Variants in CSNK2A1 observed in about 807,000 individuals in gnomAD.
CSNK2A1 encodes casein kinase 2 alpha 1.
A neutral mutation model predicts 62.9 loss-of-function variants in CSNK2A1; 10 were observed. The ratio of observed to expected loss-of-function variants is 0.16; its 90% CI spans 0.10 to 0.27. The LOEUF (loss-of-function observed/expected upper bound fraction) is 0.27, where lower values mean the gene tolerates loss of function less well. CSNK2A1 is among the 10% of genes least tolerant of loss of function. The pLI is 1.00. For missense variants in CSNK2A1, 160 were observed against 492.0 expected (o/e 0.33, Z 6.38); for synonymous variants, 124 against 167.8 (o/e 0.74, Z 2.02).
At chr20:487,607 G>A (rs760725893) in intron 11 of CSNK2A1, 32 bp from the exon 12 acceptor site, 1 of 1,613,380 alleles carries the variant, frequency 6.2e-7, no homozygotes, top group Non-Finnish European at 8.5e-7. Context: ...TGAGAAATGG[G>A]CCACGTGGGC....
In CSNK2A1 at chr20:532,330, ATT is replaced by A. The variant is rs138287291; in HGVS notation, c.-226-4283_-226-4282del. Among the ~76,000 whole-genome samples, 937 of 121,946 alleles carry A rather than the reference ATT, an allele frequency of 7.7e-3. 7 individuals carry two copies. Among genetic ancestry groups the A allele is most frequent in the African/African-American group, 0.021 (624 of 29,954 alleles). 80.0% of individuals were successfully genotyped at this position (121,946 alleles called of 152,430 possible). Reference sequence around the variant, plus strand: ...AGGCAAGCGCCACCATGCCCGGCTAATTTTTTTTTTTTTTTTTTTTTGTATTT... The same window carrying A: ...AGGCAAGCGCCACCATGCCCGGCTAATTTTTTTTTTTTTTTTTTTGTATTT... On this transcript the variant is annotated intron_variant, in intron 1 of 13. Transcript: ENST00000217244.
At chr20:524,110 C>A (rs954068895) in intron 2 of CSNK2A1, among the ~76,000 whole-genome samples, 1 of 151,678 alleles carries the variant, frequency 6.6e-6, no homozygotes, top group African/African-American at 2.4e-5. Flanking sequence ...GAAAAAAATT[C>A]TATCACATGC....
chr20:479,936 A>G lies in CSNK2A1; in HGVS notation c.*4025T>C, dbSNP rs1218844722. On this transcript the variant is annotated 3_prime_UTR_variant, in exon 14 of 14. Coordinates refer to ENST00000217244, the MANE Select transcript of CSNK2A1 (RefSeq NM_177559.3). ...TATGTATTCCGCAAATATTCCAAAA[A>G]TCCAAAAAAATTCAAAACACTTCTG... is the stretch of plus-strand genomic sequence containing the variant. 3 of 152,214 alleles carry G rather than the reference A, an allele frequency of 2.0e-5. No individual in the cohort carries two copies. The highest frequency in any genetic ancestry group is 7.2e-5 in the African/African-American group (3 of 41,432). 9.4% of individuals were successfully genotyped at this position (152,214 alleles called of 1,614,324 possible). A position where few individuals can be genotyped will look rare whatever the true frequency, so the allele number is the denominator to read the frequency against.
At chr20:542,042 C>T (rs1433702155) in intron 1 of CSNK2A1, among the ~76,000 whole-genome samples, 3 of 152,172 alleles carry the variant, frequency 2.0e-5, no homozygotes, top group Non-Finnish European at 4.4e-5. Context: ...CCTACAACAA[C>T]TACAAAGATA....
At position 483,688 on chromosome 20, in the gene CSNK2A1, G is replaced by A. The variant is rs1324396168; in HGVS notation, c.*273C>T. ...ATGAGGAACTAAATTTGGGAGGGGAGAAAAAAAAATTTGTCCATGAAATAT... is the reference window on the plus strand; with the variant it reads ...ATGAGGAACTAAATTTGGGAGGGGAAAAAAAAAAATTTGTCCATGAAATAT... On this transcript the variant is annotated 3_prime_UTR_variant, in exon 14 of 14. Coordinates refer to ENST00000217244, the MANE Select transcript of CSNK2A1 (RefSeq NM_177559.3). 4.0e-5 allele frequency: 9 copies of A among 224,192 alleles called. No homozygotes were observed. The highest frequency in any genetic ancestry group is 1.2e-4 in the Admixed American group (2 of 17,204). The allele number at this position is 224,192 out of a possible 1,614,324, so 13.9% of individuals were successfully genotyped here.
intron 4 of CSNK2A1, chr20:500,549 A>G (rs56272098): frequency 0.074 from 11,379 of 152,854 alleles, 464 homozygotes; most frequent in South Asian, 0.13. Flanking sequence ...AGATTGTTGC[A>G]AGAATCAAAT....
chr20:476,887 C>T lies in CSNK2A1; in HGVS notation c.*7074G>A, dbSNP rs2017859247. The T allele has an allele frequency of 6.6e-6, 1 of 152,078 alleles. No homozygotes were observed. The highest frequency in any genetic ancestry group is 6.6e-5 in the Admixed American group (1 of 15,264). The allele number at this position is 152,078 out of a possible 1,614,324, so 9.4% of individuals were successfully genotyped here. ...CACCCAGCCTGTTAAATCTTTTTTT[C>T]AATTAATAACAACTTCTTTTACAGA... On this transcript the variant is annotated 3_prime_UTR_variant, in exon 14 of 14. Transcript: ENST00000217244.
At chr20:503,917 C>T (rs999489003) in intron 4 of CSNK2A1, among the ~76,000 whole-genome samples, 7 of 152,252 alleles carry the variant, frequency 4.6e-5, no homozygotes, top group African/African-American at 1.7e-4. Flanking sequence ...GTGGCTCACG[C>T]CTGTAATCCC....
At position 497,749 on chromosome 20, in the gene CSNK2A1, A is replaced by G. The variant is rs61730061; in HGVS notation, c.398T>C (p.Ile133Thr). The change falls in exon 7 of 14, where the codon ATT becomes ACT. Residue 133 changes from isoleucine (I) to threonine (T), a missense_variant. By Grantham distance (89) the Ile-to-Thr change is moderately conservative. Around this residue, in one of 3 missense-constraint regions of CSNK2A1, gnomAD observed 94 missense variants for 357.6 expected, o/e 0.26. Coordinates refer to ENST00000217244, the MANE Select transcript of CSNK2A1 (RefSeq NM_177559.3). ...QLYQTLTDYD[I>T]RFYMYEILKA... ...CAGAATCTCATACATGTAAAATCGA[A>G]TATCATAGTCTGTTAACGTCTGGTA... 3 of 1,612,510 alleles carry G rather than the reference A, an allele frequency of 1.9e-6. No individual in the cohort carries two copies. The highest frequency in any genetic ancestry group is 2.5e-6 in the Non-Finnish European group (3 of 1,178,924).
rs964453479 is a variant in CSNK2A1 at position 543,685 on chromosome 20, G to C, written c.-240C>G. ...CTCCCTAGGTACCTGTGGTGGAAGC[G>C]GCAGCGGCGGCGGCCGCTCTCCCCT... On this transcript the variant is annotated 5_prime_UTR_variant, in exon 1 of 14. Transcript: ENST00000217244. 1.7e-4 allele frequency: 69 copies of C among 398,258 alleles called. No homozygotes were observed. In the East Asian group the frequency reaches 2.1e-3, roughly 12 times the overall value. The allele number at this position is 398,258 out of a possible 1,614,324, so 24.7% of individuals were successfully genotyped here.
In CSNK2A1 at chr20:499,605, G is replaced by C. The variant is rs1433941426; in HGVS notation, c.315+228C>G. ...TTGCAAAATGGATTAACACATTTCA[G>C]TTTCCAGTGCTATCAGTCTCTTAGC... On this transcript the variant is annotated intron_variant, in intron 5 of 13. Coordinates refer to ENST00000217244, the MANE Select transcript of CSNK2A1 (RefSeq NM_177559.3). The surrounding 1 kb of genome is among the most constrained non-coding windows in gnomAD (Gnocchi z 4.2). 1 of 564,450 alleles carries C rather than the reference G, an allele frequency of 1.8e-6. No individual in the cohort carries two copies. Among genetic ancestry groups the C allele is most frequent in the African/African-American group, 1.9e-5 (1 of 53,250 alleles). 35.0% of individuals were successfully genotyped at this position (564,450 alleles called of 1,614,324 possible).
At chr20:503,179 T>C in intron 4 of CSNK2A1, 1 of 294,364 alleles carries the variant, frequency 3.4e-6, no homozygotes, top group South Asian at 1.6e-4. Context: ...GGTCTCATTC[T>C]CATCGCCCAG....
chr20:540,538 T>C (rs1002376317), intron 1 of CSNK2A1, among the ~76,000 whole-genome samples: 6 of 152,216 alleles, frequency 3.9e-5, no homozygotes, highest in African/African-American at 1.4e-4. Context: ...AAGTATGTCC[T>C]AGGCCTTTTC....
Position 484,444 on chromosome 20 carries a change from C to A in CSNK2A1, c.1061-368G>T, listed in dbSNP as rs531592476. ...CTGAGCACTTGAAATATGGCTAGTG[C>A]AACTGAGGAACTACATTTTAAATTT... On this transcript the variant is annotated intron_variant, in intron 13 of 13. Coordinates refer to ENST00000217244, the MANE Select transcript of CSNK2A1 (RefSeq NM_177559.3). Among the ~76,000 whole-genome samples the A allele has an allele frequency of 8.3e-4, 127 of 152,298 alleles. 1 individual carries two copies. The highest frequency in any genetic ancestry group is 2.6e-4 in the Non-Finnish European group (18 of 68,022).
intron 1 of CSNK2A1, among the ~76,000 whole-genome samples, chr20:531,213 G>T (rs1212308639): frequency 6.6e-6 from 1 of 152,170 alleles, no homozygotes; most frequent in Admixed American, 6.6e-5. Context: ...AAATAAAGCA[G>T]GAGGGAGGGC....
At chr20:525,587 C>T (rs1157089536) in intron 2 of CSNK2A1, among the ~76,000 whole-genome samples, 2 of 147,144 alleles carry the variant, frequency 1.4e-5, no homozygotes, top group Non-Finnish European at 3.0e-5. Context: ...GGAGGCAGAG[C>T]TTGCAGTGAG....
intron 1 of CSNK2A1, among the ~76,000 whole-genome samples, chr20:533,812 AG>A (rs1299775655): frequency 2.6e-5 from 4 of 152,326 alleles, no homozygotes; most frequent in Middle Eastern, 3.4e-3. Context: ...CTCCCAATGA[AG>A]GGAGGTATTA....
At chr20:508,809 C>A in intron 2 of CSNK2A1, 149 bp from the exon 3 acceptor site, 1 of 370,420 alleles carries the variant, frequency 2.7e-6, no homozygotes, top group Non-Finnish European at 4.8e-6. Flanking sequence ...TTAACCAGTG[C>A]TTCCTATAAC....
intron 2 of CSNK2A1, among the ~76,000 whole-genome samples, chr20:519,159 A>AGGTC (rs2018891204): frequency 6.6e-6 from 1 of 151,738 alleles, no homozygotes; most frequent in Admixed American, 6.6e-5. Flanking sequence ...GCTGGTCTTG[A>AGGTC]ACTTCTGACC....
Sources: allele counts gnomAD v4.1 joint callset (sites outside exome capture counted in the v4.1 genomes callset), GRCh38; gene constraint gnomAD v4.1.1; regional missense constraint gnomAD v4.1.1; non-coding constraint Gnocchi (gnomAD v3.1); transcripts MANE v1.5; gene names NCBI Gene and HGNC (gene_info 2026-07-23, HGNC 2026-07-21).